Variants in GRIA4 observed in about 807,000 individuals in gnomAD.
GRIA4 encodes glutamate ionotropic receptor AMPA type subunit 4.
In GRIA4, 34 loss-of-function variants were observed where a neutral mutation model predicts 104.0. The ratio of observed to expected loss-of-function variants is 0.33; its 90% CI spans 0.25 to 0.44. The LOEUF is 0.44. GRIA4 is among the 20% of genes least tolerant of loss of function. The pLI is 1.00. For synonymous variants in GRIA4, 386 were observed against 381.9 expected (o/e 1.01, Z -0.13); for missense variants, 750 against 1,096.5 (o/e 0.68, Z 4.46).
chr11:105,841,819 G>C (rs191228325), intron 4 of GRIA4, among the ~76,000 whole-genome samples: 1 of 152,176 alleles, frequency 6.6e-6, no homozygotes, highest in African/African-American at 2.4e-5. Flanking sequence ...ATTTAAACAG[G>C]TTGTCTTATT....
chr11:105,835,081 A>C (rs1944126804), intron 4 of GRIA4, among the ~76,000 whole-genome samples: 1 of 152,016 alleles, frequency 6.6e-6, no homozygotes, highest in Non-Finnish European at 1.5e-5. Context: ...AAGAGCTGAA[A>C]TATGTTATTC....
chr11:105,975,966 G>A (rs188062972), intron 16 of GRIA4, among the ~76,000 whole-genome samples: 88 of 152,066 alleles, frequency 5.8e-4, no homozygotes, highest in Middle Eastern at 3.4e-3. Context: ...CAATTCACTC[G>A]ATCCAAACAT....
intron 4 of GRIA4, among the ~76,000 whole-genome samples, chr11:105,794,512 T>TATATATATATAC (rs1313325715): frequency 3.4e-4 from 36 of 106,882 alleles, no homozygotes; most frequent in African/African-American, 8.8e-4. Context: ...TATATATATA[T>TATATATATATAC]ACATATACAC....
At chr11:105,622,722 C>A (rs1418017597) in intron 3 of GRIA4, among the ~76,000 whole-genome samples, 2 of 151,632 alleles carry the variant, frequency 1.3e-5, no homozygotes, top group African/African-American at 4.8e-5. Flanking sequence ...GGTAGAAATG[C>A]AATTTTGTTA....
chr11:105,678,156 A>G (rs1390621257), intron 3 of GRIA4, among the ~76,000 whole-genome samples: 2 of 152,048 alleles, frequency 1.3e-5, no homozygotes, highest in African/African-American at 2.4e-5. Context: ...AGATTGTACT[A>G]TATGTATTTC....
chr11:105,979,869 A>T lies in GRIA4; in HGVS notation c.*130A>T. The stretch of plus-strand genomic sequence containing the variant: ...GGCTGAGAGCGGGAAGTCCGTCCTA[A>T]CGCGCTGGCCGGACATCAGCAGCAG... On this transcript the variant is annotated 3_prime_UTR_variant, in exon 17 of 17. Coordinates refer to ENST00000282499, the MANE Select transcript of GRIA4 (RefSeq NM_000829.4). The T allele has an allele frequency of 1.6e-6, 1 of 620,446 alleles. No homozygotes were observed. The highest frequency in any genetic ancestry group is 2.8e-5 in the East Asian group (1 of 35,408). The allele number at this position is 620,446 out of a possible 1,614,324, so 38.4% of individuals were successfully genotyped here.
intron 4 of GRIA4, among the ~76,000 whole-genome samples, chr11:105,820,272 G>A (rs1943529733): frequency 6.6e-6 from 1 of 152,064 alleles, no homozygotes; most frequent in Admixed American, 6.6e-5. Context: ...TAGAGAGTAA[G>A]ATCACACAAC....
chr11:105,937,170 T>C (rs1420570803), intron 14 of GRIA4, among the ~76,000 whole-genome samples: 2 of 152,184 alleles, frequency 1.3e-5, no homozygotes, highest in African/African-American at 4.8e-5. Flanking sequence ...CAAAGATTGT[T>C]TTAAAATATA....
At chr11:105,700,596 T>C (rs1221407781) in intron 3 of GRIA4, among the ~76,000 whole-genome samples, 2 of 152,184 alleles carry the variant, frequency 1.3e-5, no homozygotes, top group Non-Finnish European at 2.9e-5. Flanking sequence ...GATGTCTATA[T>C]ACTGATGATA....
At chr11:105,686,476 GATGGGCAAGTAGGTTGA>G (rs1952886613) in intron 3 of GRIA4, among the ~76,000 whole-genome samples, 1 of 152,150 alleles carries the variant, frequency 6.6e-6, no homozygotes, top group Non-Finnish European at 1.5e-5. Context: ...GTCAACCCTT[GATGGGCAAGTAGGTTGA>G]CTGCATGTCT....
intron 2 of GRIA4, among the ~76,000 whole-genome samples, chr11:105,611,895 T>G (rs1950490607): frequency 6.6e-6 from 1 of 152,222 alleles, no homozygotes; most frequent in Admixed American, 6.5e-5. Context: ...TGTGTGGCAC[T>G]ATATCCCTTC....
intron 14 of GRIA4, among the ~76,000 whole-genome samples, chr11:105,955,367 T>C (rs1948560771): frequency 6.6e-6 from 1 of 151,800 alleles, no homozygotes; most frequent in South Asian, 2.1e-4. Flanking sequence ...AGTGAGAACA[T>C]GTGGTGTTTT....
intron 14 of GRIA4, among the ~76,000 whole-genome samples, chr11:105,961,377 C>CT (rs1029621463): frequency 2.6e-5 from 4 of 152,064 alleles, no homozygotes; most frequent in Non-Finnish European, 5.9e-5. Context: ...TACACAATTT[C>CT]TTTTTGTCAC....
intron 4 of GRIA4, among the ~76,000 whole-genome samples, chr11:105,850,663 T>C (rs1944775775): frequency 6.6e-6 from 1 of 152,154 alleles, no homozygotes; most frequent in Admixed American, 6.6e-5. Context: ...ATTATTGTAA[T>C]CTTTGCAATG....
In GRIA4 at chr11:105,924,555, T is replaced by G. The variant is rs201195221; in HGVS notation, c.1633T>G (p.Tyr545Asp). ...GVFSFLDPLAYEIWMCIVFAY... is the reference protein window; with the variant it reads ...GVFSFLDPLADEIWMCIVFAY... ...GTTTTCCTTCTTGGATCCTCTGGCC[T>G]ATGAGATTTGGATGTGCATAGTCTT... The change falls in exon 12 of 17, where the codon TAT becomes GAT. Residue 545 changes from tyrosine to aspartate, a missense_variant. Physicochemically the swap from Tyr to Asp is radical, Grantham distance 160. Transcript: ENST00000282499. 1.2e-6 allele frequency: 2 copies of G among 1,613,234 alleles called. No individual in the cohort carries two copies. Among genetic ancestry groups the G allele is most frequent in the East Asian group, 2.2e-5 (1 of 44,858 alleles).
At position 105,957,422 on chromosome 11, in the gene GRIA4, G is replaced by C. The variant is rs184079483; in HGVS notation, c.2295-14492G>C. 7.9e-5 allele frequency among the ~76,000 whole-genome samples: 12 copies of C among 152,246 alleles called. 1 individual carries two copies. The East Asian group carries it at 2.3e-3, about 29-fold the overall frequency. On this transcript the variant is annotated intron_variant, in intron 14 of 16. Coordinates refer to ENST00000282499, the MANE Select transcript of GRIA4 (RefSeq NM_000829.4). ...GTTTGTCAAAGATCAGATAGTTGTA[G>C]ATATGCGGCATTATTTCTGAGGGCT...
At chr11:105,806,430 A>G (rs1942955357) in intron 4 of GRIA4, among the ~76,000 whole-genome samples, 1 of 151,846 alleles carries the variant, frequency 6.6e-6, no homozygotes, top group Admixed American at 6.6e-5. Flanking sequence ...TGAAAAGAAG[A>G]CCTCTGGGGC....
At chr11:105,956,166 G>GGTTT (rs35809410) in intron 14 of GRIA4, among the ~76,000 whole-genome samples, 151,947 of 152,158 alleles carry the variant, frequency 1, 75,868 homozygotes, top group Middle Eastern at 1. Flanking sequence ...ACAATATGCA[G>GGTTT]GTTACATATG....
chr11:105,778,532 C>T (rs1050061531), intron 4 of GRIA4, among the ~76,000 whole-genome samples: 21 of 152,106 alleles, frequency 1.4e-4, no homozygotes, highest in South Asian at 4.1e-4. Context: ...TGGTGAAACC[C>T]CGTTTCTATT....
Sources: gnomAD v4.1 joint callset for allele counts (sites outside exome capture counted in the v4.1 genomes callset) on GRCh38, gnomAD v4.1.1 for gene constraint, MANE v1.5 for transcripts, NCBI Gene and HGNC (gene_info 2026-07-23, HGNC 2026-07-21) for gene names.